PRUNE1: variants seen among roughly 807,000 people sequenced by gnomAD.
The protein encoded by PRUNE1 is exopolyphosphatase PRUNE1.
A neutral mutation model predicts 42.5 loss-of-function variants in PRUNE1; 25 were observed. That is an observed-to-expected ratio of 0.59 (90% CI 0.43 to 0.82). PRUNE1 has a LOEUF of 0.82. Ranked by LOEUF, PRUNE1 falls within the 40% of genes least tolerant of loss-of-function variation. The probability of loss-of-function intolerance (pLI) is 0.00; values close to 1 mark genes in which losing one functional copy is unlikely to be tolerated. For missense variants in PRUNE1, 443 were observed against 539.3 expected, an observed-to-expected ratio of 0.82 and a Z score of 1.77; for synonymous variants, 203 against 217.1, an observed-to-expected ratio of 0.93 and a Z score of 0.57.
intron 7 of PRUNE1, 107 bp from the exon 8 acceptor site, chr1:151,033,699 T>A (rs1340720131): frequency 2.5e-6 from 3 of 1,192,318 alleles, no homozygotes; most frequent in Admixed American, 2.3e-5. Flanking sequence ...CCGGCCGACT[T>A]ACTTTTTAAA....
At chr1:151,027,394 C>A (rs1159242255) in intron 6 of PRUNE1, 67 bp downstream of exon 6, 1 of 1,142,154 alleles carries the variant, frequency 8.8e-7, no homozygotes, top group Non-Finnish European at 1.3e-6. Context: ...TGCATGTGGC[C>A]TTGCACCTCA....
At chr1:151,025,301 T>G (rs114540884) in intron 4 of PRUNE1, among the ~76,000 whole-genome samples, 2,340 of 152,318 alleles carry the variant, frequency 0.015, 58 homozygotes, top group African/African-American at 0.051. Context: ...GCTCAGGCTT[T>G]CTTTCTACCT....
In PRUNE1 at chr1:151,008,599, C is replaced by G; in HGVS notation, c.-34C>G. On this transcript the variant is annotated 5_prime_UTR_variant, in exon 1 of 8. Coordinates refer to ENST00000271620, the MANE Select transcript of PRUNE1 (RefSeq NM_021222.3). ...CTCCTCGACCAGGGGCACCTCTACTCGACCAGGGGCGACGGCGTACTTTGG... is the reference window on the plus strand; with the variant it reads ...CTCCTCGACCAGGGGCACCTCTACTGGACCAGGGGCGACGGCGTACTTTGG... 1 of 1,613,810 alleles carries G rather than the reference C, an allele frequency of 6.2e-7. No homozygotes were observed. The highest frequency in any genetic ancestry group is 1.1e-5 in the South Asian group (1 of 91,080).
intron 1 of PRUNE1, among the ~76,000 whole-genome samples, chr1:151,012,287 G>T (rs973328365): frequency 1.3e-5 from 2 of 152,074 alleles, no homozygotes; most frequent in African/African-American, 4.8e-5. Flanking sequence ...TTGGAATTAG[G>T]GGTTACACAT....
Position 151,025,653 on chromosome 1 carries a change from A to C in PRUNE1, c.659A>C (p.Lys220Thr), listed in dbSNP as rs868299093. ...AATGATATATTTGATTCCCTACAAAAGGCAAAGTTTGATGTATCAGGTATG... is the reference window on the plus strand; with the variant it reads ...AATGATATATTTGATTCCCTACAAACGGCAAAGTTTGATGTATCAGGTATG... ...KRNDIFDSLQKAKFDVSGLTT... is the reference protein window; with the variant it reads ...KRNDIFDSLQTAKFDVSGLTT... Residue 220 changes from lysine to threonine, a missense_variant, in exon 5 of 8, where the codon AAG becomes ACG. By Grantham distance (78) the Lys-to-Thr change is moderately conservative (BLOSUM62 -1). Coordinates refer to ENST00000271620, the MANE Select transcript of PRUNE1 (RefSeq NM_021222.3). The C allele has an allele frequency of 6.2e-7, 1 of 1,613,456 alleles. No homozygotes were observed. The highest frequency in any genetic ancestry group is 1.3e-5 in the African/African-American group (1 of 74,894).
At chr1:151,028,293 G>A (rs1017251078) in intron 6 of PRUNE1, among the ~76,000 whole-genome samples, 1 of 152,114 alleles carries the variant, frequency 6.6e-6, no homozygotes, top group Non-Finnish European at 1.5e-5. Context: ...AGGATGGAGT[G>A]GAATGGCATG....
At chr1:151,022,231 C>T (rs1379677110) in intron 3 of PRUNE1, among the ~76,000 whole-genome samples, 3 of 150,920 alleles carry the variant, frequency 2.0e-5, no homozygotes, top group Middle Eastern at 3.5e-3. Flanking sequence ...GCCTCAACCT[C>T]CCAAGTAGCT....
intron 7 of PRUNE1, among the ~76,000 whole-genome samples, chr1:151,029,598 A>G (rs1002987800): frequency 3.3e-5 from 5 of 151,466 alleles, no homozygotes; most frequent in East Asian, 2.0e-4. Context: ...CGATCTCCTG[A>G]CCTCGTGATC....
At position 151,027,174 on chromosome 1, in the gene PRUNE1, C is replaced by G. The variant is rs1553253996; in HGVS notation, c.680-59C>G. On this transcript the variant is annotated intron_variant, in intron 5 of 7. Coordinates refer to ENST00000271620, the MANE Select transcript of PRUNE1 (RefSeq NM_021222.3). Reference sequence around the variant, plus strand: ...TGACCCATCTGGCTGTCCTTGCCTTCTTGGTCTTGGGACCCTGGCCTACCC... The same window carrying G: ...TGACCCATCTGGCTGTCCTTGCCTTGTTGGTCTTGGGACCCTGGCCTACCC... 7.0e-6 allele frequency: 9 copies of G among 1,287,144 alleles called. No individual in the cohort carries two copies. In the South Asian group the frequency reaches 9.7e-5, roughly 14 times the overall value. 79.7% of individuals were successfully genotyped at this position (1,287,144 alleles called of 1,614,324 possible).
intron 1 of PRUNE1, among the ~76,000 whole-genome samples, chr1:151,011,102 G>A (rs144261854): frequency 6.6e-6 from 1 of 152,258 alleles, no homozygotes; most frequent in East Asian, 1.9e-4. Context: ...AGTTTCTTGT[G>A]TAAAGAGAGA....
intron 7 of PRUNE1, among the ~76,000 whole-genome samples, chr1:151,029,563 T>C (rs587696278): frequency 5.3e-5 from 8 of 151,566 alleles, no homozygotes; most frequent in African/African-American, 1.9e-4. Flanking sequence ...GAGACGGGGT[T>C]TCACCGTGTT....
At chr1:151,029,670 C>T (rs1675119749) in intron 7 of PRUNE1, among the ~76,000 whole-genome samples, 1 of 151,380 alleles carries the variant, frequency 6.6e-6, no homozygotes, top group South Asian at 2.1e-4. Flanking sequence ...CCCAGCCGAG[C>T]TGGAAAGTTT....
At position 151,034,214 on chromosome 1, in the gene PRUNE1, G is replaced by GT; in HGVS notation, c.1342_1343insT (p.Ala448ValfsTer17). On this transcript the variant is annotated frameshift_variant, in exon 8 of 8. Transcript: ENST00000271620. LOFTEE classifies it high-confidence loss of function. ...GATCTCACTGTCACAGTCTACCACA[G>GT]CCTCCCTGTCCAAGAAGTGACTGTT... The GT allele has an allele frequency of 1.2e-6, 2 of 1,611,604 alleles. No individual in the cohort carries two copies. Among genetic ancestry groups the GT allele is most frequent in the Non-Finnish European group, 1.7e-6 (2 of 1,178,356 alleles).
In PRUNE1 at chr1:151,034,715, C is replaced by T; in HGVS notation, c.*481C>T. ...GAGAGTGCGCTTTGGAAATTTATTCCAGTTTTCAGCCTACAGCAGATTATC... is the reference window on the plus strand; with the variant it reads ...GAGAGTGCGCTTTGGAAATTTATTCTAGTTTTCAGCCTACAGCAGATTATC... On this transcript the variant is annotated 3_prime_UTR_variant, in exon 8 of 8. Transcript: ENST00000271620. The T allele has an allele frequency of 6.3e-6, 1 of 159,668 alleles. No individual in the cohort carries two copies. The highest frequency in any genetic ancestry group is 1.7e-4 in the South Asian group (1 of 5,756). 9.9% of individuals were successfully genotyped at this position (159,668 alleles called of 1,614,324 possible).
Position 151,034,265 on chromosome 1 carries a change from G to A in PRUNE1, c.*31G>A. On this transcript the variant is annotated 3_prime_UTR_variant, in exon 8 of 8. Transcript: ENST00000271620. ...GAGAGGCGAGGAGGTAGTGGGTGAGGCTACCTGACTCACTTCAAATGCATG... is the reference window on the plus strand; with the variant it reads ...GAGAGGCGAGGAGGTAGTGGGTGAGACTACCTGACTCACTTCAAATGCATG... The A allele has an allele frequency of 6.3e-7, 1 of 1,579,652 alleles. No homozygotes were observed. Among genetic ancestry groups the A allele is most frequent in the Non-Finnish European group, 8.6e-7 (1 of 1,156,254 alleles).
At chr1:151,027,606 G>A (rs1442290376) in intron 6 of PRUNE1, among the ~76,000 whole-genome samples, 2 of 130,624 alleles carry the variant, frequency 1.5e-5, no homozygotes, top group Non-Finnish European at 3.1e-5. Flanking sequence ...TTTTTTTAAG[G>A]GAGTCATGCT....
At chr1:151,026,277 T>C (rs998012664) in intron 5 of PRUNE1, among the ~76,000 whole-genome samples, 6 of 151,584 alleles carry the variant, frequency 4.0e-5, no homozygotes, top group African/African-American at 1.2e-4. Context: ...GCTAACATGG[T>C]GAAACTCCGT....
rs587711697 is a variant in PRUNE1, at chr1:151,021,464, AT to A, written c.335+2803del. ...GAGCGAAACTCCGTCTCAAAAAAAAATTTTTTTTAATCTATAAATATCTCAA... is the reference window on the plus strand; with the variant it reads ...GAGCGAAACTCCGTCTCAAAAAAAAATTTTTTTAATCTATAAATATCTCAA... On this transcript the variant is annotated intron_variant, in intron 3 of 7. Coordinates refer to ENST00000271620, the MANE Select transcript of PRUNE1 (RefSeq NM_021222.3). Among the ~76,000 whole-genome samples, 474 of 152,208 alleles carry A rather than the reference AT, an allele frequency of 3.1e-3. 2 individuals are homozygous for A. Among genetic ancestry groups the A allele is most frequent in the Middle Eastern group, 6.8e-3 (2 of 294 alleles).
In PRUNE1 at chr1:151,034,333, C is replaced by T; in HGVS notation, c.*99C>T. ...ATTCAGCAATTCTGTCTTCATTGCT[C>T]CAGGATCTGGTATACTGTTCTCATA... On this transcript the variant is annotated 3_prime_UTR_variant, in exon 8 of 8. Coordinates refer to ENST00000271620, the MANE Select transcript of PRUNE1 (RefSeq NM_021222.3). 2.4e-6 allele frequency: 3 copies of T among 1,268,244 alleles called. No individual in the cohort carries two copies. The highest frequency in any genetic ancestry group is 3.3e-6 in the Non-Finnish European group (3 of 908,468). 78.6% of individuals were successfully genotyped at this position (1,268,244 alleles called of 1,614,324 possible).
Sources: gnomAD v4.1 joint callset for allele counts (sites outside exome capture counted in the v4.1 genomes callset) on GRCh38, gnomAD v4.1.1 for gene constraint, MANE v1.5 for transcripts, NCBI Gene and HGNC (gene_info 2026-07-23, HGNC 2026-07-21) for gene names.